LY96: variants seen among roughly 807,000 people sequenced by gnomAD.
LY96 encodes the protein myeloid differentiation protein-2.
Under a neutral mutation model 18.9 loss-of-function variants are expected in LY96, and 18 were observed. The observed-to-expected ratio is 0.95, with a 90% CI of 0.66 to 1.41. The LOEUF is 1.41. Among genes scored for constraint, LY96 ranks in the 40% most tolerant of loss-of-function variants. The pLI, the probability that LY96 is intolerant of heterozygous loss-of-function variation, is 0.00. For missense variants in LY96, 175 were observed against 182.4 expected, an observed-to-expected ratio of 0.96 and a Z score of 0.23; for synonymous variants, 66 against 62.6, an observed-to-expected ratio of 1.06 and a Z score of -0.26.
At chr8:74,028,875 T>C (rs776941858) in intron 4 of LY96, 81 bp from the exon 5 acceptor site, 245 of 805,234 alleles carry the variant, frequency 3.0e-4, no homozygotes, top group Middle Eastern at 7.1e-4. Flanking sequence ...TTTCTGCTAG[T>C]AAGAGAAAGT....
At chr8:74,054,907 T>C in the LY96 span, among the ~76,000 whole-genome samples, 1 of 151,766 alleles carries the variant, frequency 6.6e-6, no homozygotes, top group Non-Finnish European at 1.5e-5. Context: ...TGCACCACTC[T>C]ATTTATAAAA....
chr8:74,043,062 A>G, the LY96 span, among the ~76,000 whole-genome samples: 1 of 152,172 alleles, frequency 6.6e-6, no homozygotes, highest in South Asian at 2.1e-4. Context: ...GGCATGAGCC[A>G]CCATACCTGG....
At chr8:74,060,190 C>T in the LY96 span, among the ~76,000 whole-genome samples, 1 of 152,172 alleles carries the variant, frequency 6.6e-6, no homozygotes, top group Non-Finnish European at 1.5e-5. Context: ...CAACGAAAAA[C>T]TTCCAACTCT....
the LY96 span, among the ~76,000 whole-genome samples, chr8:74,043,511 G>T: frequency 6.6e-6 from 1 of 152,154 alleles, no homozygotes; most frequent in Non-Finnish European, 1.5e-5. Context: ...ATTGCCAGTG[G>T]TCTTTTTGCA....
At position 74,004,903 on chromosome 8, in the gene LY96, C is replaced by T; in HGVS notation, c.202+18C>T. Reference sequence around the variant, plus strand: ...CATTCCAAGTAAGTTCAAATTTTTGCTTTTATAGACCAATCAAAGGAGTTA... The same window carrying T: ...CATTCCAAGTAAGTTCAAATTTTTGTTTTTATAGACCAATCAAAGGAGTTA... On this transcript the variant is annotated intron_variant, in intron 2 of 4. Transcript: ENST00000284818. The T allele has an allele frequency of 6.3e-7, 1 of 1,582,622 alleles. No homozygotes were observed. Among genetic ancestry groups the T allele is most frequent in the Admixed American group, 1.7e-5 (1 of 59,260 alleles).
intron 1 of LY96, among the ~76,000 whole-genome samples, chr8:73,997,125 G>A (rs1210067121): frequency 2.0e-5 from 3 of 152,160 alleles, no homozygotes; most frequent in Non-Finnish European, 4.4e-5. Flanking sequence ...CCAACGTGTC[G>A]GGATTACAGG....
chr8:74,035,911 A>T, the LY96 span, among the ~76,000 whole-genome samples: 1 of 152,202 alleles, frequency 6.6e-6, no homozygotes, highest in Non-Finnish European at 1.5e-5. Context: ...TGTACATCTT[A>T]CATGTATTGA....
the LY96 span, among the ~76,000 whole-genome samples, chr8:74,065,999 T>C: frequency 2.0e-5 from 3 of 152,238 alleles, no homozygotes; most frequent in Admixed American, 6.5e-5. Context: ...ATTTGCTAAA[T>C]CTGGCAACCT....
At chr8:73,998,953 C>A (rs575512121) in intron 1 of LY96, among the ~76,000 whole-genome samples, 2 of 149,578 alleles carry the variant, frequency 1.3e-5, no homozygotes, top group Non-Finnish European at 3.0e-5. Context: ...TTTCTAATTT[C>A]TTTTCCAGAT....
chr8:74,026,875 CT>C (rs1816882664), intron 4 of LY96, 34 bp downstream of exon 4: 3 of 1,060,416 alleles, frequency 2.8e-6, no homozygotes, highest in Non-Finnish European at 4.4e-6. Context: ...ACTGTCTAAC[CT>C]TTAGCAGTAA....
At chr8:73,992,920 T>G (rs10102014) in intron 1 of LY96, among the ~76,000 whole-genome samples, 32,784 of 150,694 alleles carry the variant, frequency 0.22, 4,167 homozygotes, top group African/African-American at 0.33. Flanking sequence ...AGTGGCGCGA[T>G]TTCGGCTCAC....
chr8:73,994,904 G>A (rs2131250230), intron 1 of LY96, among the ~76,000 whole-genome samples: 1 of 152,254 alleles, frequency 6.6e-6, no homozygotes, highest in Non-Finnish European at 1.5e-5. Context: ...CAAGGTGTCT[G>A]CATAATTGGG....
chr8:74,039,874 G>A, the LY96 span, among the ~76,000 whole-genome samples: 1 of 152,198 alleles, frequency 6.6e-6, no homozygotes, highest in African/African-American at 2.4e-5. Flanking sequence ...TTAGGCCTCT[G>A]GATGACTGCG....
chr8:74,096,218 A>G, the LY96 span, among the ~76,000 whole-genome samples: 2 of 152,122 alleles, frequency 1.3e-5, no homozygotes, highest in African/African-American at 4.8e-5. Context: ...TCAAGCTTCC[A>G]TCCTTGTCCT....
chr8:74,078,199 A>C, the LY96 span, among the ~76,000 whole-genome samples: 6 of 152,188 alleles, frequency 3.9e-5, no homozygotes, highest in African/African-American at 1.2e-4. Context: ...AAGTAAATCC[A>C]GAGTAAACTC....
chr8:74,016,369 T>C (rs192003693), intron 3 of LY96, among the ~76,000 whole-genome samples: 1 of 152,220 alleles, frequency 6.6e-6, no homozygotes, highest in African/African-American at 2.4e-5. Flanking sequence ...AAGCTCGAAC[T>C]GGGTGGAGCC....
chr8:74,027,882 A>G (rs1270493684), intron 4 of LY96, among the ~76,000 whole-genome samples: 5 of 152,112 alleles, frequency 3.3e-5, no homozygotes, highest in African/African-American at 1.2e-4. Context: ...TGCTGGGGTG[A>G]TTACCTTTAT....
the LY96 span, among the ~76,000 whole-genome samples, chr8:74,044,176 TA>T: frequency 7.6e-4 from 115 of 150,924 alleles, 1 homozygote; most frequent in African/African-American, 2.7e-3. Context: ...TTTTTGTACA[TA>T]AAAAAAATTT....
chr8:74,045,418 C>T, the LY96 span, among the ~76,000 whole-genome samples: 1 of 152,180 alleles, frequency 6.6e-6, no homozygotes, highest in South Asian at 2.1e-4. Flanking sequence ...CAAACCCTGA[C>T]ACATTTTAAG....
Sources: allele counts gnomAD v4.1 joint callset (sites outside exome capture counted in the v4.1 genomes callset), GRCh38; gene constraint gnomAD v4.1.1; transcripts MANE v1.5; gene names NCBI Gene and HGNC (gene_info 2026-07-23, HGNC 2026-07-21).